ATP9B: variants seen among roughly 807,000 people sequenced by gnomAD.
ATP9B encodes probable phospholipid-transporting ATPase IIB.
In ATP9B, 110 loss-of-function variants were observed where a neutral mutation model predicts 146.1. The observed-to-expected ratio is 0.75, with a 90% confidence interval of 0.65 to 0.88. ATP9B has a LOEUF of 0.88. Among genes scored for constraint, ATP9B ranks in the 40% least tolerant of loss-of-function variants. The pLI is 0.00. For synonymous variants in ATP9B, 604 were observed against 569.7 expected (o/e 1.06, Z -0.86); for missense variants, 1,499 against 1,496.4 (o/e 1.00, Z -0.03).
chr18:79,157,494 T>C (rs2094813178), intron 7 of ATP9B, among the ~76,000 whole-genome samples: 1 of 151,382 alleles, frequency 6.6e-6, no homozygotes, highest in Admixed American at 6.6e-5. Flanking sequence ...AGGGTAATAC[T>C]GGCCTTAGTG....
intron 9 of ATP9B, among the ~76,000 whole-genome samples, chr18:79,200,693 A>C (rs1394455704): frequency 0.015 from 1 of 66 alleles, no homozygotes; most frequent in Non-Finnish European, 0.071. Flanking sequence ...CTTGTGAGTA[A>C]ATGTGTTTAT....
chr18:79,154,448 G>C, intron 6 of ATP9B, 56 bp from the exon 7 acceptor site: 1 of 1,221,808 alleles, frequency 8.2e-7, no homozygotes, highest in Non-Finnish European at 1.1e-6. Context: ...GAATGGAATT[G>C]TGTTAATTTG....
At chr18:79,312,449 T>TG (rs1387117289) in intron 15 of ATP9B, among the ~76,000 whole-genome samples, 3 of 152,210 alleles carry the variant, frequency 2.0e-5, no homozygotes, top group African/African-American at 7.2e-5. Context: ...TGACATCCCT[T>TG]GGCTGCCCTC....
At position 79,118,390 on chromosome 18, in the gene ATP9B, G is replaced by GTTTTTT. The variant is rs752788043; in HGVS notation, c.558+5059_558+5064dup. ...AAACACAATCATATTGAACGTTTTT[G>GTTTTTT]TTTTTTTTTTTTTTTTTTTTTTTTT... On this transcript the variant is annotated intron_variant, in intron 4 of 29. Transcript: ENST00000426216. 1.5e-3 allele frequency among the ~76,000 whole-genome samples: 139 copies of GTTTTTT among 93,268 alleles called. 1 individual carries two copies. The highest frequency in any genetic ancestry group is 6.9e-3 in the Middle Eastern group (1 of 144). The allele number at this position is 93,268 out of a possible 152,430, so 61.2% of individuals were successfully genotyped here. A position where few individuals can be genotyped will look rare whatever the true frequency, so the allele number is the denominator to read the frequency against.
At chr18:79,311,159 A>AG (rs1382119420) in intron 15 of ATP9B, among the ~76,000 whole-genome samples, 31 of 152,210 alleles carry the variant, frequency 2.0e-4, no homozygotes, top group Non-Finnish European at 4.4e-4. Context: ...CTCAAAAAAA[A>AG]GAAAAGAAAT....
At chr18:79,216,432 A>G (rs2095627780) in intron 11 of ATP9B, among the ~76,000 whole-genome samples, 1 of 152,232 alleles carries the variant, frequency 6.6e-6, no homozygotes, top group South Asian at 2.1e-4. Flanking sequence ...GCCAGGAACA[A>G]GGTCATGCTC....
In ATP9B at chr18:79,248,482, CA is replaced by C. The variant is rs369321415; in HGVS notation, c.1108-4898del. Among the ~76,000 whole-genome samples, 367 of 152,284 alleles carry C rather than the reference CA, an allele frequency of 2.4e-3. 2 individuals carry two copies. The highest frequency in any genetic ancestry group is 8.4e-3 in the African/African-American group (351 of 41,568). On this transcript the variant is annotated intron_variant, in intron 11 of 29. Coordinates refer to ENST00000426216, the MANE Select transcript of ATP9B (RefSeq NM_198531.5). ...TATAGGAATTTCAGTTAGGTTAATG[CA>C]TAGCCCTATATCAGTTTTGTAGTCA... is the stretch of plus-strand genomic sequence containing the variant.
At chr18:79,322,061 T>C (rs2096719133) in intron 15 of ATP9B, among the ~76,000 whole-genome samples, 1 of 152,124 alleles carries the variant, frequency 6.6e-6, no homozygotes, top group Admixed American at 6.5e-5. Flanking sequence ...AGGTGCCACC[T>C]CCCTCCCCTT....
intron 13 of ATP9B, among the ~76,000 whole-genome samples, chr18:79,292,495 C>G: frequency 6.6e-6 from 1 of 152,068 alleles, no homozygotes; most frequent in Non-Finnish European, 1.5e-5. Flanking sequence ...GGCAACAATT[C>G]TAGCTTCTTT....
intron 17 of ATP9B, among the ~76,000 whole-genome samples, chr18:79,334,789 C>T (rs74631512): frequency 1.1e-4 from 16 of 151,756 alleles, no homozygotes; most frequent in Admixed American, 5.2e-4. Context: ...GCCCACCCCC[C>T]CCTTGTGCCG....
At chr18:79,233,141 A>C (rs2095807881) in intron 11 of ATP9B, among the ~76,000 whole-genome samples, 1 of 152,022 alleles carries the variant, frequency 6.6e-6, no homozygotes, top group Non-Finnish European at 1.5e-5. Flanking sequence ...AAAATACAAA[A>C]ATTAGCCAGG....
chr18:79,341,200 A>G (rs1411386766), intron 19 of ATP9B, among the ~76,000 whole-genome samples: 1 of 150,156 alleles, frequency 6.7e-6, no homozygotes, highest in African/African-American at 2.5e-5. Context: ...GGATGTGTGT[A>G]GCGTGACCTT....
chr18:79,310,856 AATGCTGGGCTGGGGCCAGGC>A (rs1261065005), intron 15 of ATP9B, among the ~76,000 whole-genome samples: 3 of 152,126 alleles, frequency 2.0e-5, no homozygotes, highest in African/African-American at 7.2e-5. Context: ...CCATTACAGA[AATGCTGGGCTGGGGCCAGGC>A]ATGGTGGGTC....
intron 12 of ATP9B, among the ~76,000 whole-genome samples, chr18:79,260,845 C>T (rs563451125): frequency 3.5e-4 from 53 of 152,202 alleles, no homozygotes; most frequent in Non-Finnish European, 7.3e-4. Context: ...TCTCAGCTCT[C>T]GAAACTTAAC....
chr18:79,314,961 G>A lies in ATP9B; in HGVS notation c.1773+7727G>A, dbSNP rs148737995. 3.8e-4 allele frequency among the ~76,000 whole-genome samples: 58 copies of A among 152,300 alleles called. No individual in the cohort carries two copies. The East Asian group carries it at 0.01, about 27-fold the overall frequency. On this transcript the variant is annotated intron_variant, in intron 15 of 29. Coordinates refer to ENST00000426216, the MANE Select transcript of ATP9B (RefSeq NM_198531.5). The stretch of plus-strand genomic sequence containing the variant: ...GGTGGAAGGAACTTTGAAGACCGCC[G>A]GCTTCTTTTGGTCCAGAAAGAGTGA...
Position 79,377,411 on chromosome 18 carries a change from C to T in ATP9B, c.*28C>T, listed in dbSNP as rs1354037963. On this transcript the variant is annotated 3_prime_UTR_variant, in exon 30 of 30. Coordinates refer to ENST00000426216, the MANE Select transcript of ATP9B (RefSeq NM_198531.5). ...GGCTGTGCACCCCCAGCGGGCTGGC[C>T]CCAGCACCTTCTGCCCTTCCCAGCA... 54 of 1,601,560 alleles carry T rather than the reference C, an allele frequency of 3.4e-5. No homozygotes were observed. Among genetic ancestry groups the T allele is most frequent in the Non-Finnish European group, 4.6e-5 (54 of 1,179,140 alleles).
intron 1 of ATP9B, among the ~76,000 whole-genome samples, chr18:79,091,121 A>C (rs942221259): frequency 4.6e-5 from 7 of 152,156 alleles, no homozygotes; most frequent in Admixed American, 4.6e-4. Flanking sequence ...TGGGTTCTCT[A>C]TTCTGGTCCA....
chr18:79,165,178 G>A (rs2094946758), intron 7 of ATP9B, among the ~76,000 whole-genome samples: 1 of 152,174 alleles, frequency 6.6e-6, no homozygotes, highest in Admixed American at 6.5e-5. Context: ...GGTCTAACAA[G>A]GTCAAGTTAT....
At chr18:79,096,129 C>T (rs1651451594) in intron 1 of ATP9B, among the ~76,000 whole-genome samples, 1 of 152,120 alleles carries the variant, frequency 6.6e-6, no homozygotes, top group Admixed American at 6.6e-5. Flanking sequence ...TTGCTATAGT[C>T]ATGTTTCAGA....
Sources: allele counts gnomAD v4.1 joint callset (sites outside exome capture counted in the v4.1 genomes callset), GRCh38; gene constraint gnomAD v4.1.1; transcripts MANE v1.5; gene names NCBI Gene and HGNC (gene_info 2026-07-23, HGNC 2026-07-21).